Variants in FHIP1A observed in about 807,000 individuals in gnomAD.
The protein encoded by FHIP1A is FHF complex subunit HOOK interacting protein 1A.
Under a neutral mutation model 88.6 loss-of-function variants are expected in FHIP1A, and 61 were observed. That is an observed-to-expected ratio of 0.69 (90% confidence interval 0.56 to 0.85). The LOEUF (loss-of-function observed/expected upper bound fraction) is 0.85. Ranked by LOEUF, FHIP1A falls within the 40% of genes least tolerant of loss-of-function variation. The probability of loss-of-function intolerance (pLI) is 0.00; values close to 1 mark genes in which losing one functional copy is unlikely to be tolerated. For synonymous variants in FHIP1A, 478 were observed against 496.0 expected, an observed-to-expected ratio of 0.96 and a Z score of 0.48; for missense variants, 1,154 against 1,273.5, an observed-to-expected ratio of 0.91 and a Z score of 1.43.
At chr4:151,609,276 G>T (rs1179788878) in intron 7 of FHIP1A, among the ~76,000 whole-genome samples, 1 of 152,126 alleles carries the variant, frequency 6.6e-6, no homozygotes, top group Non-Finnish European at 1.5e-5. Context: ...CTTATAATTT[G>T]AAGTTACATA....
chr4:151,646,127 A>G (rs1253361470), intron 9 of FHIP1A, among the ~76,000 whole-genome samples: 1 of 152,182 alleles, frequency 6.6e-6, no homozygotes, highest in Non-Finnish European at 1.5e-5. Context: ...GTGATACAAG[A>G]TAATATTGCT....
intron 7 of FHIP1A, among the ~76,000 whole-genome samples, chr4:151,604,425 G>T (rs992351658): frequency 4.6e-5 from 7 of 152,126 alleles, no homozygotes; most frequent in Non-Finnish European, 8.8e-5. Flanking sequence ...GGTACTAGGA[G>T]ATATTTTCAG....
rs183633082 is a variant in FHIP1A at position 151,565,857 on chromosome 4, A to T, written c.-122-281A>T. Among the ~76,000 whole-genome samples, 724 of 152,120 alleles carry T rather than the reference A, an allele frequency of 4.8e-3. 6 individuals are homozygous for T. Among genetic ancestry groups the T allele is most frequent in the Non-Finnish European group, 8.2e-3 (558 of 67,980 alleles). ...CTAGACTTGAGCTTGAGTGCTTTAG[A>T]ATAGTAATTTTGGGGGGTTGTGGCT... On this transcript the variant is annotated intron_variant, in intron 3 of 13. Coordinates refer to ENST00000435205, the MANE Select transcript of FHIP1A (RefSeq NM_001109977.3).
chr4:151,569,743 A>G (rs1560774480), intron 4 of FHIP1A, among the ~76,000 whole-genome samples: 1 of 152,118 alleles, frequency 6.6e-6, no homozygotes, highest in Non-Finnish European at 1.5e-5. Context: ...CTGCTTGCCC[A>G]CTTATACCTT....
Position 151,465,085 on chromosome 4 carries a change from G to A in FHIP1A, c.-248+10277G>A, listed in dbSNP as rs527459137. Among the ~76,000 whole-genome samples, 3 of 152,228 alleles carry A rather than the reference G, an allele frequency of 2.0e-5. No homozygotes were observed. In the East Asian group the frequency reaches 5.8e-4, roughly 29 times the overall value. On this transcript the variant is annotated intron_variant, in intron 2 of 13. Coordinates refer to ENST00000435205, the MANE Select transcript of FHIP1A (RefSeq NM_001109977.3). ...TAGCCAGGCATGGTGGTGCACACCT[G>A]TAGTCTCAGCTACTAGAGAGGATCC... is the stretch of plus-strand genomic sequence containing the variant.
At chr4:151,453,702 C>T (rs6535802) in intron 1 of FHIP1A, among the ~76,000 whole-genome samples, 17,266 of 152,010 alleles carry the variant, frequency 0.11, 1,033 homozygotes, top group African/African-American at 0.13. Context: ...AACACAAATG[C>T]GTGGTGGCGC....
At chr4:151,437,025 T>G (rs1224082145) in intron 1 of FHIP1A, among the ~76,000 whole-genome samples, 1 of 152,166 alleles carries the variant, frequency 6.6e-6, no homozygotes, top group Non-Finnish European at 1.5e-5. Flanking sequence ...TCTGCATATG[T>G]TCAGTACAGA....
chr4:151,668,399 C>T lies in FHIP1A; in HGVS notation c.*5645C>T, dbSNP rs1345756327. 6.6e-6 allele frequency among the ~76,000 whole-genome samples: 1 copy of T among 152,172 alleles called. No homozygotes were observed. The highest frequency in any genetic ancestry group is 2.4e-5 in the African/African-American group (1 of 41,434). On this transcript the variant is annotated 3_prime_UTR_variant, in exon 14 of 14. Coordinates refer to ENST00000435205, the MANE Select transcript of FHIP1A (RefSeq NM_001109977.3). ...ACTCCAAGCTGAAGGAGGGTGTGTA[C>T]TTTCCGAAACTTCGAGGCCATCTTA...
intron 3 of FHIP1A, among the ~76,000 whole-genome samples, chr4:151,547,692 T>C (rs1183641614): frequency 1.3e-5 from 2 of 152,114 alleles, no homozygotes; most frequent in East Asian, 3.9e-4. Context: ...GGCGGGCGGA[T>C]CACCTGAGTT....
chr4:151,412,318 G>A (rs183861519), intron 1 of FHIP1A, among the ~76,000 whole-genome samples: 184 of 152,038 alleles, frequency 1.2e-3, no homozygotes, highest in African/African-American at 4.2e-3. Context: ...GTTGGCCAGG[G>A]TGGTCTCAAA....
intron 7 of FHIP1A, among the ~76,000 whole-genome samples, chr4:151,623,212 G>GT (rs2126867410): frequency 6.6e-6 from 1 of 152,300 alleles, no homozygotes; most frequent in East Asian, 1.9e-4. Context: ...TTAGAATCAG[G>GT]TTTAGATTGG....
At chr4:151,439,638 T>A (rs1348282721) in intron 1 of FHIP1A, among the ~76,000 whole-genome samples, 1 of 152,174 alleles carries the variant, frequency 6.6e-6, no homozygotes, top group African/African-American at 2.4e-5. Flanking sequence ...ATCTGTAAGA[T>A]GACAGTTCCA....
intron 8 of FHIP1A, among the ~76,000 whole-genome samples, chr4:151,632,349 C>T (rs1371322132): frequency 6.6e-6 from 1 of 151,680 alleles, no homozygotes; most frequent in Non-Finnish European, 1.5e-5. Flanking sequence ...CAAACATTGA[C>T]AGAATTACAG....
intron 3 of FHIP1A, among the ~76,000 whole-genome samples, chr4:151,533,457 C>A (rs1731957632): frequency 6.6e-6 from 1 of 151,832 alleles, no homozygotes; most frequent in Non-Finnish European, 1.5e-5. Flanking sequence ...GGATATATTT[C>A]CTTTGGCTCA....
At chr4:151,414,133 C>G (rs1186115593) in intron 1 of FHIP1A, among the ~76,000 whole-genome samples, 1 of 152,110 alleles carries the variant, frequency 6.6e-6, no homozygotes, top group Non-Finnish European at 1.5e-5. Flanking sequence ...TCACTGCAAC[C>G]TCCGCCTTCC....
chr4:151,545,503 G>A (rs948733661), intron 3 of FHIP1A, among the ~76,000 whole-genome samples: 4 of 146,424 alleles, frequency 2.7e-5, no homozygotes, highest in Non-Finnish European at 4.5e-5. Flanking sequence ...TCAGCCTCCC[G>A]AGTAGCTGGG....
At chr4:151,621,929 A>G (rs1403388203) in intron 7 of FHIP1A, among the ~76,000 whole-genome samples, 1 of 152,142 alleles carries the variant, frequency 6.6e-6, no homozygotes, top group Non-Finnish European at 1.5e-5. Context: ...CAGGCATTGT[A>G]AAATTAATAT....
chr4:151,442,492 T>C (rs1027870808), intron 1 of FHIP1A, among the ~76,000 whole-genome samples: 4 of 152,186 alleles, frequency 2.6e-5, no homozygotes, highest in African/African-American at 9.7e-5. Context: ...TCTTCCTTTC[T>C]CTGCTCTCTA....
intron 13 of FHIP1A, among the ~76,000 whole-genome samples, chr4:151,658,077 C>G (rs1462579967): frequency 6.6e-6 from 1 of 152,106 alleles, no homozygotes; most frequent in Non-Finnish European, 1.5e-5. Flanking sequence ...TTGAGAAGAG[C>G]AGGCAAAGGC....
Sources: gnomAD v4.1 joint callset for allele counts (sites outside exome capture counted in the v4.1 genomes callset) on GRCh38, gnomAD v4.1.1 for gene constraint, MANE v1.5 for transcripts, NCBI Gene and HGNC (gene_info 2026-07-23, HGNC 2026-07-21) for gene names.